The following ARID1B variants were observed in gnomAD, a reference collection of about 807,000 sequenced individuals.
The protein encoded by ARID1B is AT-rich interaction domain 1B, also known as AT-rich interactive domain-containing protein 1B.
ARID1B carries 30 observed loss-of-function variants against 212.3 expected under a neutral mutation model. The ratio of observed to expected loss-of-function variants is 0.14; its 90% CI spans 0.11 to 0.19. The LOEUF is 0.19. Ranked by LOEUF, ARID1B falls within the 10% of genes least tolerant of loss-of-function variation. The probability of loss-of-function intolerance (pLI) is 1.00; values close to 1 mark genes in which losing one functional copy is unlikely to be tolerated. For synonymous variants in ARID1B, 1,402 were observed against 1,301.7 expected (o/e 1.08, Z -1.66); for missense variants, 2,891 against 3,204.0 (o/e 0.90, Z 2.36).
intron 4 of ARID1B, among the ~76,000 whole-genome samples, chr6:156,954,077 G>T (rs556264998): frequency 6.6e-6 from 1 of 151,944 alleles, no homozygotes; most frequent in Non-Finnish European, 1.5e-5. Context: ...TTTCAAACAC[G>T]CAGTCAGATT....
intron 7 of ARID1B, chr6:157,140,962 G>C (rs1447680368): frequency 3.4e-6 from 1 of 296,244 alleles, no homozygotes; most frequent in Admixed American, 5.1e-5. Flanking sequence ...ATAAGCTCTT[G>C]TCTTCATTCA....
rs180956046 is a variant in ARID1B at position 156,874,792 on chromosome 6, C to T, written c.1987-26584C>T. Among the ~76,000 whole-genome samples, 75 of 152,332 alleles carry T rather than the reference C, an allele frequency of 4.9e-4. 1 individual carries two copies. The highest frequency in any genetic ancestry group is 1.7e-3 in the African/African-American group (72 of 41,584). ...CTGGCTACTCCTCAAAACTCCATTC[C>T]ATTCTCCTTCGTGGAGCTTTAATCC... is the stretch of plus-strand genomic sequence containing the variant. On this transcript the variant is annotated intron_variant, in intron 2 of 19. Coordinates refer to ENST00000636930, the MANE Select transcript of ARID1B (RefSeq NM_001374828.1).
intron 4 of ARID1B, among the ~76,000 whole-genome samples, chr6:157,031,494 T>TAA (rs1344600746): frequency 2.0e-5 from 3 of 152,250 alleles, no homozygotes. Flanking sequence ...TGTTGATTGT[T>TAA]ACTAGCCTCC....
chr6:156,862,518 C>T (rs1785404229), intron 2 of ARID1B, among the ~76,000 whole-genome samples: 2 of 152,190 alleles, frequency 1.3e-5, no homozygotes. Flanking sequence ...AGAGCTCTGT[C>T]ATAAAATGGA....
intron 12 of ARID1B, 47 bp from the exon 13 acceptor site, chr6:157,184,184 C>A (rs1792787978): frequency 1.3e-6 from 2 of 1,531,810 alleles, no homozygotes; most frequent in South Asian, 1.3e-5. Flanking sequence ...TGGCTTTAAA[C>A]AAGCCACTTT....
At chr6:156,873,735 C>A (rs1786326234) in intron 2 of ARID1B, among the ~76,000 whole-genome samples, 1 of 152,218 alleles carries the variant, frequency 6.6e-6, no homozygotes, top group Non-Finnish European at 1.5e-5. Flanking sequence ...GCCTTCTTGT[C>A]TCCTGAAGGA....
chr6:157,089,770 G>A (rs1785165861), intron 5 of ARID1B, among the ~76,000 whole-genome samples: 1 of 152,138 alleles, frequency 6.6e-6, no homozygotes, highest in Admixed American at 6.5e-5. Flanking sequence ...TTGGCAGTGT[G>A]TATTCATATA....
intron 2 of ARID1B, among the ~76,000 whole-genome samples, chr6:156,880,858 C>T (rs549793798): frequency 5.8e-4 from 87 of 151,050 alleles, no homozygotes; most frequent in African/African-American, 1.5e-3. Context: ...TTTTGTATAG[C>T]GAACAGAAAT....
At chr6:156,858,630 G>A (rs900295136) in intron 2 of ARID1B, among the ~76,000 whole-genome samples, 2 of 152,126 alleles carry the variant, frequency 1.3e-5, no homozygotes, top group Non-Finnish European at 2.9e-5. Flanking sequence ...TTAGCCAGGT[G>A]TGGTGGCGTG....
chr6:156,824,320 A>T (rs1167988200), intron 1 of ARID1B, among the ~76,000 whole-genome samples: 2 of 152,236 alleles, frequency 1.3e-5, no homozygotes, highest in East Asian at 3.8e-4. Flanking sequence ...AAGCTACAGC[A>T]GTTGTGGAAT....
chr6:157,015,052 TG>T (rs1779838952), intron 4 of ARID1B, among the ~76,000 whole-genome samples: 2 of 152,224 alleles, frequency 1.3e-5, no homozygotes, highest in Non-Finnish European at 2.9e-5. Context: ...TGACATTTGA[TG>T]CCACGTGTCT....
intron 4 of ARID1B, among the ~76,000 whole-genome samples, chr6:157,000,017 C>T (rs1291643581): frequency 6.6e-6 from 1 of 152,118 alleles, no homozygotes; most frequent in East Asian, 1.9e-4. Context: ...AGGCTGATTT[C>T]TTTTGGGCAG....
At chr6:157,015,974 T>C (rs1300783490) in intron 4 of ARID1B, among the ~76,000 whole-genome samples, 1 of 152,202 alleles carries the variant, frequency 6.6e-6, no homozygotes, top group Non-Finnish European at 1.5e-5. Context: ...TAAGGAGATA[T>C]CTTCTCACAA....
rs962858324 is a variant in ARID1B, at chr6:157,084,883, A to G, written c.2469A>G (p.Pro823=). The change falls in exon 5 of 20, where the codon CCA becomes CCG. Residue 823 remains proline, a synonymous_variant. Transcript: ENST00000636930. ...GAAGCAACCAGTCTCGATCTGGCCC[A>G]ATCTCTCCTGCAAGTATCCCAGGTA... ...PVGSNQSRSG[P]ISPASIPGSQ... The G allele has an allele frequency of 6.2e-7, 1 of 1,613,666 alleles. No individual in the cohort carries two copies. Among genetic ancestry groups the G allele is most frequent in the Non-Finnish European group, 8.5e-7 (1 of 1,179,744 alleles).
chr6:156,793,407 T>C (rs1780145735), intron 1 of ARID1B, among the ~76,000 whole-genome samples: 1 of 152,020 alleles, frequency 6.6e-6, no homozygotes, highest in Non-Finnish European at 1.5e-5. Flanking sequence ...TGGGCAGCGG[T>C]GAGGTCATGG....
intron 7 of ARID1B, among the ~76,000 whole-genome samples, chr6:157,135,338 G>A (rs985980713): frequency 5.9e-5 from 9 of 152,226 alleles, no homozygotes; most frequent in Non-Finnish European, 8.8e-5. Flanking sequence ...TTACTGTTAC[G>A]GTAGCCCACT....
At chr6:156,995,440 G>C (rs1456194562) in intron 4 of ARID1B, among the ~76,000 whole-genome samples, 1 of 152,170 alleles carries the variant, frequency 6.6e-6, no homozygotes, top group Non-Finnish European at 1.5e-5. Context: ...GAGAGTTTTG[G>C]TAACTCTTCT....
At chr6:157,205,547 T>G (rs1215811484) in intron 19 of ARID1B, 1 of 152,262 alleles carries the variant, frequency 6.6e-6, no homozygotes, top group East Asian at 1.9e-4. Flanking sequence ...TGAAACATTT[T>G]AATTTATTTA....
At chr6:156,792,267 T>C (rs1411020426) in intron 1 of ARID1B, among the ~76,000 whole-genome samples, 1 of 152,214 alleles carries the variant, frequency 6.6e-6, no homozygotes. Flanking sequence ...GCTGATTTCA[T>C]GTTTCCCCAA....
Sources: allele counts gnomAD v4.1 joint callset (sites outside exome capture counted in the v4.1 genomes callset), GRCh38; gene constraint gnomAD v4.1.1; transcripts MANE v1.5; gene names NCBI Gene and HGNC (gene_info 2026-07-23, HGNC 2026-07-21).